PCDH15: variants seen among roughly 807,000 people sequenced by gnomAD.
PCDH15 encodes the protein protocadherin-15.
Under a neutral mutation model 178.5 loss-of-function variants are expected in PCDH15, and 129 were observed. That is an observed-to-expected ratio of 0.72 (90% CI 0.63 to 0.84). The LOEUF is 0.84. Among genes scored for constraint, PCDH15 ranks in the 40% least tolerant of loss-of-function variants. PCDH15 has a pLI of 0.00. For synonymous variants in PCDH15, 800 were observed against 732.0 expected, an observed-to-expected ratio of 1.09 and a Z score of -1.50; for missense variants, 2,230 against 2,099.9, an observed-to-expected ratio of 1.06 and a Z score of -1.21.
intron 2 of PCDH15, among the ~76,000 whole-genome samples, chr10:55,529,764 T>TATATATAC (rs1450108168): frequency 1.5e-5 from 2 of 136,778 alleles, no homozygotes; most frequent in Non-Finnish European, 3.2e-5. Context: ...TATATATATA[T>TATATATAC]ATATATATAT....
intron 20 of PCDH15, among the ~76,000 whole-genome samples, chr10:54,018,190 CT>C (rs1360332912): frequency 6.6e-6 from 1 of 152,098 alleles, no homozygotes; most frequent in African/African-American, 2.4e-5. Context: ...ATATAGTCTT[CT>C]ACTAAGGTCC....
chr10:54,663,070 C>T (rs2094515714), intron 2 of PCDH15, among the ~76,000 whole-genome samples: 1 of 151,924 alleles, frequency 6.6e-6, no homozygotes, highest in African/African-American at 2.4e-5. Context: ...AGGGAATATA[C>T]TATTGTGAAT....
At chr10:54,025,788 C>T (rs1254865410) in intron 18 of PCDH15, among the ~76,000 whole-genome samples, 2 of 152,068 alleles carry the variant, frequency 1.3e-5, no homozygotes, top group East Asian at 1.9e-4. Flanking sequence ...TGAGCCACTG[C>T]GCCTGGCCAT....
chr10:54,539,340 A>G (rs1026080053), intron 2 of PCDH15, among the ~76,000 whole-genome samples: 2 of 152,194 alleles, frequency 1.3e-5, no homozygotes, highest in African/African-American at 4.8e-5. Flanking sequence ...TGTTATATCA[A>G]ATAAAACAGC....
At chr10:55,269,891 C>A (rs1210267640) in intron 1 of PCDH15, among the ~76,000 whole-genome samples, 1 of 152,048 alleles carries the variant, frequency 6.6e-6, no homozygotes, top group Non-Finnish European at 1.5e-5. Context: ...CACTATAAGG[C>A]TATAGTAACC....
chr10:54,222,125 C>T (rs1366812819), intron 9 of PCDH15, among the ~76,000 whole-genome samples: 1 of 152,168 alleles, frequency 6.6e-6, no homozygotes, highest in Admixed American at 6.5e-5. Context: ...TCCTGTATAC[C>T]TCTCTGAATG....
intron 17 of PCDH15, among the ~76,000 whole-genome samples, chr10:54,073,745 A>G (rs1291349265): frequency 6.6e-6 from 1 of 152,206 alleles, no homozygotes; most frequent in Non-Finnish European, 1.5e-5. Flanking sequence ...ATATTGCTGA[A>G]CACACGGAAT....
chr10:54,811,838 A>T (rs979375459), intron 3 of PCDH15, among the ~76,000 whole-genome samples: 2 of 152,218 alleles, frequency 1.3e-5, no homozygotes. Flanking sequence ...AAATGTAACT[A>T]AACTGAATAA....
At chr10:53,924,772 G>C (rs929946455) in intron 25 of PCDH15, among the ~76,000 whole-genome samples, 2 of 152,176 alleles carry the variant, frequency 1.3e-5, no homozygotes, top group Non-Finnish European at 2.9e-5. Context: ...TAATCTGGTG[G>C]GGACTTGGAG....
At chr10:54,035,841 C>T (rs556355799) in intron 18 of PCDH15, among the ~76,000 whole-genome samples, 56 of 151,984 alleles carry the variant, frequency 3.7e-4, no homozygotes, top group South Asian at 6.2e-4. Flanking sequence ...ACATTGTGAA[C>T]GCAATGGAAA....
At chr10:55,403,822 T>A (rs968705252) in intron 2 of PCDH15, among the ~76,000 whole-genome samples, 4 of 151,998 alleles carry the variant, frequency 2.6e-5, no homozygotes, top group Admixed American at 6.6e-5. Context: ...ATGATTTTTT[T>A]AAATTTACAG....
chr10:54,904,955 C>T (rs1307483071), intron 2 of PCDH15, among the ~76,000 whole-genome samples: 1 of 151,456 alleles, frequency 6.6e-6, no homozygotes, highest in South Asian at 2.1e-4. Context: ...GCTTTTGTTC[C>T]TTGAGCATCT....
At chr10:54,657,486 A>G (rs1014936319) in intron 2 of PCDH15, among the ~76,000 whole-genome samples, 1 of 152,142 alleles carries the variant, frequency 6.6e-6, no homozygotes, top group African/African-American at 2.4e-5. Context: ...GCTAGTGAAT[A>G]AGATAAGCTT....
intron 1 of PCDH15, among the ~76,000 whole-genome samples, chr10:54,776,238 G>A (rs904849977): frequency 6.6e-6 from 1 of 152,118 alleles, no homozygotes; most frequent in Non-Finnish European, 1.5e-5. Context: ...AAACATTGGG[G>A]TACAGATTTC....
chr10:54,087,195 A>G (rs1206124983), intron 16 of PCDH15, among the ~76,000 whole-genome samples: 2 of 147,694 alleles, frequency 1.4e-5, no homozygotes, highest in African/African-American at 4.9e-5. Flanking sequence ...CCACCAATTT[A>G]AAGGGTACAA....
At chr10:54,982,926 A>G (rs1839275871) in intron 2 of PCDH15, among the ~76,000 whole-genome samples, 1 of 152,130 alleles carries the variant, frequency 6.6e-6, no homozygotes, top group Admixed American at 6.6e-5. Flanking sequence ...TCCCTGTGTT[A>G]CAGGCATATA....
intron 2 of PCDH15, among the ~76,000 whole-genome samples, chr10:55,419,889 G>A (rs1267030038): frequency 2.0e-5 from 3 of 151,680 alleles, no homozygotes; most frequent in African/African-American, 7.3e-5. Flanking sequence ...AGACAAATTA[G>A]GAGATGAAAC....
intron 2 of PCDH15, among the ~76,000 whole-genome samples, chr10:55,054,189 C>T (rs941189705): frequency 3.3e-5 from 5 of 152,124 alleles, no homozygotes; most frequent in Admixed American, 6.5e-5. Flanking sequence ...ACCCTCCACC[C>T]TCCAATAGAC....
intron 1 of PCDH15, among the ~76,000 whole-genome samples, chr10:55,309,832 T>A (rs1016139598): frequency 6.6e-6 from 1 of 152,164 alleles, no homozygotes; most frequent in African/African-American, 2.4e-5. Flanking sequence ...AATCCTTTAA[T>A]GTCTTCCCTT....
Sources: gnomAD v4.1 joint callset for allele counts (sites outside exome capture counted in the v4.1 genomes callset) on GRCh38, gnomAD v4.1.1 for gene constraint, MANE v1.5 for transcripts, NCBI Gene and HGNC (gene_info 2026-07-23, HGNC 2026-07-21) for gene names.